The following GRM7 variants were observed in gnomAD, a reference collection of about 807,000 sequenced individuals.
The protein encoded by GRM7 is metabotropic glutamate receptor 7.
In GRM7, 35 loss-of-function variants were observed where a neutral mutation model predicts 84.5. That is an observed-to-expected ratio of 0.41 (90% confidence interval 0.32 to 0.55). The LOEUF is 0.55. Ranked by LOEUF, GRM7 falls within the 20% of genes least tolerant of loss-of-function variation. The pLI, the probability that GRM7 is intolerant of heterozygous loss-of-function variation, is 0.19. For missense variants in GRM7, 1,003 were observed against 1,194.6 expected, an observed-to-expected ratio of 0.84 and a Z score of 2.36; for synonymous variants, 487 against 455.1, an observed-to-expected ratio of 1.07 and a Z score of -0.89.
At chr3:7,029,332 CAAAA>C (rs904536285) in intron 1 of GRM7, among the ~76,000 whole-genome samples, 1 of 133,942 alleles carries the variant, frequency 7.5e-6, no homozygotes, top group African/African-American at 2.8e-5. Flanking sequence ...AAAAAACAAA[CAAAA>C]AAAACATGAA....
At chr3:7,682,286 A>G (rs1227620758) in intron 9 of GRM7, 1 of 147,316 alleles carries the variant, frequency 6.8e-6, no homozygotes, top group East Asian at 2.1e-4. Context: ...CAGTGAGCTG[A>G]GATCGTGCCA....
chr3:7,599,408 T>C (rs953470304), intron 8 of GRM7, among the ~76,000 whole-genome samples: 1 of 152,130 alleles, frequency 6.6e-6, no homozygotes, highest in African/African-American at 2.4e-5. Flanking sequence ...TGATGATATA[T>C]TGTGGAAATA....
chr3:7,530,016 C>A (rs752422872), intron 7 of GRM7, among the ~76,000 whole-genome samples: 2 of 151,020 alleles, frequency 1.3e-5, no homozygotes, highest in African/African-American at 4.9e-5. Flanking sequence ...TAGGTATACA[C>A]GTGCCATGGT....
intron 1 of GRM7, among the ~76,000 whole-genome samples, chr3:6,916,233 A>T: frequency 6.6e-6 from 1 of 152,340 alleles, no homozygotes; most frequent in South Asian, 2.1e-4. Context: ...GGAAAGCTTG[A>T]TGGTACTAAA....
chr3:6,996,604 G>T (rs1694838685), intron 1 of GRM7, among the ~76,000 whole-genome samples: 1 of 152,118 alleles, frequency 6.6e-6, no homozygotes, highest in South Asian at 2.1e-4. Flanking sequence ...ATGGATATCT[G>T]TTTGAAGATA....
chr3:7,581,662 G>C (rs1315758881), intron 8 of GRM7, among the ~76,000 whole-genome samples: 1 of 152,234 alleles, frequency 6.6e-6, no homozygotes, highest in East Asian at 1.9e-4. Flanking sequence ...TTTTTGTTTA[G>C]CTCTAACAAA....
At chr3:6,908,185 G>A (rs1696645805) in intron 1 of GRM7, among the ~76,000 whole-genome samples, 1 of 152,200 alleles carries the variant, frequency 6.6e-6, no homozygotes, top group South Asian at 2.1e-4. Context: ...TTGAGTAGAT[G>A]TGAAAAGTAG....
At chr3:7,421,007 A>C (rs181287372) in intron 5 of GRM7, among the ~76,000 whole-genome samples, 1 of 152,318 alleles carries the variant, frequency 6.6e-6, no homozygotes, top group Admixed American at 6.5e-5. Flanking sequence ...TAAAAATGCC[A>C]TGCCCATAAA....
intron 5 of GRM7, among the ~76,000 whole-genome samples, chr3:7,441,248 G>C (rs1356296581): frequency 6.6e-6 from 1 of 152,058 alleles, no homozygotes; most frequent in Non-Finnish European, 1.5e-5. Flanking sequence ...GTGATGTTGA[G>C]CATTTTTTTC....
chr3:7,146,404 T>G (rs1442968006), intron 1 of GRM7, 48 bp from the exon 2 acceptor site: 2 of 1,357,744 alleles, frequency 1.5e-6, no homozygotes, highest in East Asian at 4.6e-5. Context: ...AATGAGTCTC[T>G]TACATCCTGA....
chr3:6,888,330 G>A (rs1695786999), intron 1 of GRM7, among the ~76,000 whole-genome samples: 1 of 152,184 alleles, frequency 6.6e-6, no homozygotes, highest in South Asian at 2.1e-4. Flanking sequence ...GAATGGTAAT[G>A]CTTAGGTTTT....
chr3:7,183,359 G>T (rs1050078127), intron 2 of GRM7, among the ~76,000 whole-genome samples: 1 of 152,200 alleles, frequency 6.6e-6, no homozygotes, highest in Non-Finnish European at 1.5e-5. Flanking sequence ...GGGCGTGGTG[G>T]CTCACGCCTG....
At chr3:7,150,905 C>T (rs1694266783) in intron 2 of GRM7, among the ~76,000 whole-genome samples, 1 of 152,184 alleles carries the variant, frequency 6.6e-6, no homozygotes, top group African/African-American at 2.4e-5. Context: ...ATGACTCTTA[C>T]AGTCCATCAG....
intron 7 of GRM7, among the ~76,000 whole-genome samples, chr3:7,533,453 A>G (rs1319015117): frequency 6.6e-6 from 1 of 152,198 alleles, no homozygotes; most frequent in Non-Finnish European, 1.5e-5. Context: ...ACTAATGAAA[A>G]CAAAGACCAC....
chr3:7,453,609 G>C (rs190063785), intron 6 of GRM7, among the ~76,000 whole-genome samples: 3 of 152,140 alleles, frequency 2.0e-5, no homozygotes, highest in Admixed American at 6.5e-5. Context: ...AGGAGTTTCT[G>C]TCCTCAGGGA....
intron 4 of GRM7, among the ~76,000 whole-genome samples, chr3:7,379,388 C>G (rs777956917): frequency 3.3e-5 from 5 of 152,086 alleles, no homozygotes; most frequent in Admixed American, 6.6e-5. Flanking sequence ...CCACCATGCC[C>G]AGACTCTTCT....
At chr3:7,093,817 A>G (rs1187396955) in intron 1 of GRM7, among the ~76,000 whole-genome samples, 3 of 151,062 alleles carry the variant, frequency 2.0e-5, no homozygotes, top group African/African-American at 7.3e-5. Flanking sequence ...TTGAATACTT[A>G]CTATGTAGTG....
intron 1 of GRM7, among the ~76,000 whole-genome samples, chr3:7,041,402 A>G (rs181652581): frequency 2.2e-4 from 34 of 152,350 alleles, no homozygotes; most frequent in African/African-American, 7.7e-4. Context: ...GTACTTTCAA[A>G]AAATAATTTT....
chr3:7,302,004 C>T (rs1559218606), intron 3 of GRM7, among the ~76,000 whole-genome samples: 1 of 151,982 alleles, frequency 6.6e-6, no homozygotes, highest in African/African-American at 2.4e-5. Context: ...TTTAGACAAG[C>T]GTGGATTCTT....
Sources: gnomAD v4.1 joint callset for allele counts (sites outside exome capture counted in the v4.1 genomes callset) on GRCh38, gnomAD v4.1.1 for gene constraint, MANE v1.5 for transcripts, NCBI Gene and HGNC (gene_info 2026-07-23, HGNC 2026-07-21) for gene names.